The following GP9 variants were observed in gnomAD, a reference collection of about 807,000 sequenced individuals.
The protein encoded by GP9 is glycoprotein IX platelet, also known as platelet glycoprotein IX.
For synonymous variants in GP9, 116 were observed against 116.7 expected (o/e 0.99, Z 0.04); for missense variants, 228 against 241.8 (o/e 0.94, Z 0.38).
upstream of GP9, among the ~76,000 whole-genome samples, chr3:129,058,287 C>T (rs1036491461): frequency 1.3e-5 from 2 of 152,238 alleles, no homozygotes; most frequent in African/African-American, 2.4e-5. Flanking sequence ...GCCTTGGTTC[C>T]TATTGCTGCT....
chr3:129,056,961 CA>C (rs1185961053), upstream of GP9, among the ~76,000 whole-genome samples: 1 of 152,138 alleles, frequency 6.6e-6, no homozygotes, highest in African/African-American at 2.4e-5. Flanking sequence ...AGACATGGAG[CA>C]GGAGTGTAGT....
At chr3:129,059,823 C>T (rs965083595), upstream of GP9, among the ~76,000 whole-genome samples, 4 of 152,188 alleles carry the variant, frequency 2.6e-5, no homozygotes, top group Non-Finnish European at 5.9e-5. Context: ...AGAACAAGCA[C>T]ACCCCCACCC....
chr3:129,055,375 T>G, the GP9 span, among the ~76,000 whole-genome samples: 13 of 152,362 alleles, frequency 8.5e-5, no homozygotes, highest in East Asian at 2.5e-3. Context: ...CAGTCTCACC[T>G]GTCATACACA....
the GP9 span, among the ~76,000 whole-genome samples, chr3:129,055,632 TTTTCTTTC>T: frequency 6.6e-6 from 1 of 150,624 alleles, no homozygotes; most frequent in Non-Finnish European, 1.5e-5. Flanking sequence ...GCCCCCTTTC[TTTTCTTTC>T]TTTCTTTCTT....
chr3:129,059,201 T>C (rs780762880), upstream of GP9, among the ~76,000 whole-genome samples: 21 of 152,244 alleles, frequency 1.4e-4, no homozygotes, highest in Non-Finnish European at 2.5e-4. Context: ...ATTTATGTAG[T>C]TTTTTAAATT....
chr3:129,057,479 T>C (rs1386745210), upstream of GP9, among the ~76,000 whole-genome samples: 4 of 152,084 alleles, frequency 2.6e-5, no homozygotes, highest in South Asian at 2.1e-4. Flanking sequence ...TGGCTGGACA[T>C]TGATGAGCAA....
upstream of GP9, among the ~76,000 whole-genome samples, chr3:129,058,810 G>T (rs1169798151): frequency 6.6e-6 from 1 of 152,266 alleles, no homozygotes; most frequent in Non-Finnish European, 1.5e-5. Context: ...ATGCACTGCT[G>T]CTTCAATAAA....
At chr3:129,060,054 A>G (rs982060045), upstream of GP9, among the ~76,000 whole-genome samples, 2 of 152,214 alleles carry the variant, frequency 1.3e-5, no homozygotes, top group African/African-American at 4.8e-5. Flanking sequence ...CCTGGGTTCA[A>G]GCAATTCTCC....
rs556468076 is a variant in GP9, at chr3:129,062,102, T to C, written c.363T>C (p.His121=). The change falls in exon 3 of 3, where the codon CAT becomes CAC. Residue 121 remains histidine (H), a synonymous_variant. Transcript: ENST00000307395. ...VRCASPSLAA[H]GPLGRLTGYQ... ...GTGCCAGCCCCAGCCTCGCTGCCCA[T>C]GGCCCGCTGGGCCGGCTGACAGGCT... is the stretch of plus-strand genomic sequence containing the variant. 13 of 1,603,772 alleles carry C rather than the reference T, an allele frequency of 8.1e-6. No homozygotes were observed. In the Admixed American group the frequency reaches 2.0e-4, roughly 25 times the overall value.
At chr3:129,056,413 G>A (rs1175319530), upstream of GP9, among the ~76,000 whole-genome samples, 1 of 152,148 alleles carries the variant, frequency 6.6e-6, no homozygotes, top group African/African-American at 2.4e-5. Context: ...TGTCTTGGGG[G>A]ATATTGAAAG....
chr3:129,062,345 G>T lies in GP9; in HGVS notation c.*72G>T. 3 of 1,068,824 alleles carry T rather than the reference G, an allele frequency of 2.8e-6. No homozygotes were observed. Among genetic ancestry groups the T allele is most frequent in the Non-Finnish European group, 4.1e-6 (3 of 736,288 alleles). 66.2% of individuals were successfully genotyped at this position (1,068,824 alleles called of 1,614,324 possible). On this transcript the variant is annotated 3_prime_UTR_variant, in exon 3 of 3. Transcript: ENST00000307395. The stretch of plus-strand genomic sequence containing the variant: ...GAGGCAGGTCCCCAGACTCCACCAA[G>T]CCTGGTCAGCCCAAACCACCAGAAG...
chr3:129,058,131 C>T (rs911985852), upstream of GP9, among the ~76,000 whole-genome samples: 4 of 152,148 alleles, frequency 2.6e-5, no homozygotes, highest in Non-Finnish European at 5.9e-5. Context: ...CGTGAGCCAC[C>T]GCGCCTGGTC....
chr3:129,056,841 G>A (rs554355981), upstream of GP9, among the ~76,000 whole-genome samples: 1 of 152,338 alleles, frequency 6.6e-6, no homozygotes, highest in African/African-American at 2.4e-5. Context: ...ATGTGGGTGG[G>A]GAGTGAGGGA....
chr3:129,057,283 T>A (rs1432638164), upstream of GP9, among the ~76,000 whole-genome samples: 1 of 152,124 alleles, frequency 6.6e-6, no homozygotes, highest in Admixed American at 6.5e-5. Flanking sequence ...TACAGAAGGA[T>A]GGAGCTGTGC....
At chr3:129,059,547 C>G (rs540102821), upstream of GP9, among the ~76,000 whole-genome samples, 1 of 152,370 alleles carries the variant, frequency 6.6e-6, no homozygotes, top group East Asian at 1.9e-4. Context: ...CAGCAGCAAC[C>G]AGGCCCCCGA....
chr3:129,061,780 C>T lies in GP9; in HGVS notation c.41C>T (p.Ala14Val), dbSNP rs748912527. Residue 14 changes from alanine to valine, a missense_variant, in exon 3 of 3, where the codon GCA (alanine) becomes GTA (valine). Transcript: ENST00000307395. ...WGALFLLWAT[A>V]EATKDCPSPC... ...GCCCTGTTCCTGCTCTGGGCCACAG[C>T]AGAGGCCACCAAGGACTGCCCCAGC... 5 of 1,613,158 alleles carry T rather than the reference C, an allele frequency of 3.1e-6. No homozygotes were observed. In the East Asian group the frequency reaches 1.1e-4, roughly 36 times the overall value.
chr3:129,062,236 C>A lies in GP9; in HGVS notation c.497C>A (p.Ala166Asp). ...GCCGCGCTGGGCCTGGCTCTTCTGG[C>A]TGGCCTGCTGTGTGCCACCACAGAG... ...AVAALGLALL[A>D]GLLCATTEAL... The change falls in exon 3 of 3, where the codon GCT becomes GAT. Residue 166 changes from alanine (A) to aspartate (D), a missense_variant. Coordinates refer to ENST00000307395, the MANE Select transcript of GP9 (RefSeq NM_000174.5). 1 of 1,559,714 alleles carries A rather than the reference C, an allele frequency of 6.4e-7. No homozygotes were observed.
In GP9 at chr3:129,061,560, C is replaced by G. The variant is rs1360368078; in HGVS notation, c.-72C>G. 6.1e-6 allele frequency: 4 copies of G among 657,682 alleles called. No homozygotes were observed. The East Asian group carries it at 1.1e-4, about 18-fold the overall frequency. 40.7% of individuals were successfully genotyped at this position (657,682 alleles called of 1,614,324 possible). ...TAGCCAGGCCTGGGCTGGGCACACT[C>G]CACCTTCCCTAGTCACCAGCTGGTT... On this transcript the variant is annotated 5_prime_UTR_variant, in exon 2 of 3. Transcript: ENST00000307395.
chr3:129,058,721 T>C (rs1946543114), upstream of GP9, among the ~76,000 whole-genome samples: 2 of 152,262 alleles, frequency 1.3e-5, no homozygotes, highest in Non-Finnish European at 2.9e-5. Context: ...GTAAGTGCAG[T>C]TGCCAAAAGC....
Sources: gnomAD v4.1 joint callset for allele counts (sites outside exome capture counted in the v4.1 genomes callset) on GRCh38, gnomAD v4.1.1 for gene constraint, MANE v1.5 for transcripts, NCBI Gene and HGNC (gene_info 2026-07-23, HGNC 2026-07-21) for gene names.